Variants in ITSN1 observed in about 807,000 individuals in gnomAD.
ITSN1 encodes the protein intersectin-1.
Under a neutral mutation model 239.8 loss-of-function variants are expected in ITSN1, and 58 were observed. The ratio of observed to expected loss-of-function variants is 0.24; its 90% CI spans 0.20 to 0.30. The LOEUF (loss-of-function observed/expected upper bound fraction) is 0.30. ITSN1 is among the 10% of genes least tolerant of loss of function. The probability of loss-of-function intolerance (pLI) is 1.00; values close to 1 mark genes in which losing one functional copy is unlikely to be tolerated. For missense variants in ITSN1, 1,558 were observed against 2,103.3 expected, an observed-to-expected ratio of 0.74 and a Z score of 5.07; for synonymous variants, 780 against 770.8, an observed-to-expected ratio of 1.01 and a Z score of -0.20.
In ITSN1 at chr21:33,895,684, T is replaced by C. The variant is rs915770021; in HGVS notation, c.*7384T>C. 2.0e-5 allele frequency: 3 copies of C among 151,514 alleles called. No individual in the cohort carries two copies. Among genetic ancestry groups the C allele is most frequent in the Non-Finnish European group, 2.9e-5 (2 of 67,934 alleles). The allele number at this position is 151,514 out of a possible 1,614,324, so 9.4% of individuals were successfully genotyped here. A position where few individuals can be genotyped will look rare whatever the true frequency, so the allele number is the denominator to read the frequency against. On this transcript the variant is annotated 3_prime_UTR_variant, in exon 40 of 40. Transcript: ENST00000381318. ...ATGCATGTGCATGTTTGTGTGTGCG[T>C]GCATATGTGTATGTGTGTGCGCGTG...
At chr21:33,871,043 A>G (rs1054345963) in intron 33 of ITSN1, among the ~76,000 whole-genome samples, 3 of 152,038 alleles carry the variant, frequency 2.0e-5, no homozygotes, top group Admixed American at 2.0e-4. Context: ...AGGCAGGAGA[A>G]TATCTTGAAC....
chr21:33,854,442 A>G (rs1238273475), intron 29 of ITSN1, among the ~76,000 whole-genome samples: 2 of 152,258 alleles, frequency 1.3e-5, no homozygotes, highest in African/African-American at 4.8e-5. Flanking sequence ...CCCTTCAACA[A>G]GAAATGGCCT....
chr21:33,703,204 A>G (rs1430625330), intron 1 of ITSN1, among the ~76,000 whole-genome samples: 1 of 150,950 alleles, frequency 6.6e-6, no homozygotes, highest in African/African-American at 2.4e-5. Context: ...ATAAAGAAAT[A>G]AAGTTGTTTT....
At chr21:33,710,081 G>GT (rs535357439) in intron 1 of ITSN1, among the ~76,000 whole-genome samples, 2,682 of 131,178 alleles carry the variant, frequency 0.02, 29 homozygotes, top group African/African-American at 0.047. Flanking sequence ...ATTTTTTTTT[G>GT]TTTTTTTTTT....
chr21:33,878,017 TG>T (rs1412119976), intron 34 of ITSN1, among the ~76,000 whole-genome samples: 43 of 69,756 alleles, frequency 6.2e-4, no homozygotes, highest in African/African-American at 1.4e-3. Flanking sequence ...TTTGTGTGTG[TG>T]TGTGTGTGTG....
intron 29 of ITSN1, chr21:33,837,157 C>T: frequency 7.3e-7 from 1 of 1,378,268 alleles, no homozygotes; most frequent in African/African-American, 1.5e-5. Context: ...CAGTTTACCT[C>T]ATTTTACCTT....
At chr21:33,649,557 T>C (rs2088313965) in intron 1 of ITSN1, among the ~76,000 whole-genome samples, 1 of 152,192 alleles carries the variant, frequency 6.6e-6, no homozygotes, top group Non-Finnish European at 1.5e-5. Flanking sequence ...TTTGGCTGCC[T>C]AGCTCAGTTT....
chr21:33,704,043 C>A (rs2092140374), intron 1 of ITSN1, among the ~76,000 whole-genome samples: 1 of 152,190 alleles, frequency 6.6e-6, no homozygotes, highest in African/African-American at 2.4e-5. Context: ...TGTTTGTTTT[C>A]AGCGTAGGTG....
chr21:33,681,215 A>C (rs972722409), intron 1 of ITSN1, among the ~76,000 whole-genome samples: 11 of 152,198 alleles, frequency 7.2e-5, no homozygotes. Context: ...ATGGAGCGAT[A>C]TTTAAGAAGG....
rs973862029 is a variant in ITSN1, at chr21:33,642,503, A to G, written c.-243A>G. ...GAGCGAGGGAGGGAGCGAAGGAGGT[A>G]GAGAAGAGTGGAGGCGCCAGGGGAG... is the stretch of plus-strand genomic sequence containing the variant. On this transcript the variant is annotated 5_prime_UTR_variant, in exon 1 of 40. Transcript: ENST00000381318. 2 of 152,802 alleles carry G rather than the reference A, an allele frequency of 1.3e-5. No homozygotes were observed. The highest frequency in any genetic ancestry group is 6.6e-5 in the Admixed American group (1 of 15,252). The allele number at this position is 152,802 out of a possible 1,614,324, so 9.5% of individuals were successfully genotyped here.
At chr21:33,644,996 A>T (rs1022562706) in intron 1 of ITSN1, among the ~76,000 whole-genome samples, 5 of 151,628 alleles carry the variant, frequency 3.3e-5, no homozygotes, top group Middle Eastern at 3.4e-3. Context: ...TAATTTTAAA[A>T]TTTTTTCTAG....
At chr21:33,799,056 T>C (rs2071778184) in intron 18 of ITSN1, among the ~76,000 whole-genome samples, 1 of 152,184 alleles carries the variant, frequency 6.6e-6, no homozygotes. Flanking sequence ...CTCGTTGCTT[T>C]TCAGATAAGA....
intron 1 of ITSN1, among the ~76,000 whole-genome samples, chr21:33,664,604 A>G (rs1359622077): frequency 6.6e-6 from 1 of 152,186 alleles, no homozygotes; most frequent in Admixed American, 6.5e-5. Flanking sequence ...ACCATAAGCA[A>G]GCTATTTAAC....
chr21:33,721,190 T>G lies in ITSN1; in HGVS notation c.41T>G (p.Ile14Ser). 1.2e-6 allele frequency: 2 copies of G among 1,612,870 alleles called. No individual in the cohort carries two copies. The highest frequency in any genetic ancestry group is 2.2e-5 in the South Asian group (2 of 91,034). ...FPTPFGGSLD[I>S]WAITVEERAK... ...CTTTGGATTTTAGGCAGCCTGGATA[T>G]CTGGGCCATAACTGTAGAGGAAAGA... Residue 14 changes from isoleucine to serine, a missense_variant, in exon 3 of 40, where the codon ATC becomes AGC. Physicochemically the swap from Ile to Ser is moderately radical, Grantham distance 142 (BLOSUM62 -2). Around this residue, in one of 2 missense-constraint regions of ITSN1, gnomAD observed 982 missense variants for 1,209.9 expected, o/e 0.81. Coordinates refer to ENST00000381318, the MANE Select transcript of ITSN1 (RefSeq NM_003024.3).
Position 33,742,057 on chromosome 21 carries a change from T to C in ITSN1, c.346+6853T>C, listed in dbSNP as rs370967444. On this transcript the variant is annotated intron_variant, in intron 5 of 39. Coordinates refer to ENST00000381318, the MANE Select transcript of ITSN1 (RefSeq NM_003024.3). The stretch of plus-strand genomic sequence containing the variant: ...GTGTTCAACAACACTATTTTTAAAA[T>C]CTTTTTTTTTTTTTTTTGAGGTGGA... 2.5e-4 allele frequency among the ~76,000 whole-genome samples: 37 copies of C among 149,974 alleles called. No individual in the cohort carries two copies. The East Asian group carries it at 6.4e-3, about 26-fold the overall frequency.
intron 22 of ITSN1, chr21:33,817,591 T>C: frequency 7.7e-7 from 1 of 1,298,236 alleles, no homozygotes; most frequent in Non-Finnish European, 1.0e-6. Flanking sequence ...AATTACCTGC[T>C]AGTAATACTG....
chr21:33,875,969 C>T lies in ITSN1; in HGVS notation c.4341+448C>T, dbSNP rs1201195959. Among the ~76,000 whole-genome samples the T allele has an allele frequency of 1.5e-4, 23 of 152,270 alleles. No homozygotes were observed. The East Asian group carries it at 2.7e-3, about 18-fold the overall frequency. ...TGCTGGGATTACAGGCATGAGCCAC[C>T]GCGCCTGGCCATCCACTGAGTTTCT... On this transcript the variant is annotated intron_variant, in intron 34 of 39. Coordinates refer to ENST00000381318, the MANE Select transcript of ITSN1 (RefSeq NM_003024.3).
chr21:33,660,525 A>AT (rs1205807854), intron 1 of ITSN1, among the ~76,000 whole-genome samples: 1 of 152,170 alleles, frequency 6.6e-6, no homozygotes, highest in Non-Finnish European at 1.5e-5. Context: ...CTTGTTTTAC[A>AT]TTTTTTGCAG....
chr21:33,694,531 A>C (rs7281625), intron 1 of ITSN1, among the ~76,000 whole-genome samples: 101,305 of 152,008 alleles, frequency 0.67, 34,006 homozygotes, highest in Middle Eastern at 0.72. Context: ...TTTTAAGAGA[A>C]AGGGTCTGGC....
Sources: gnomAD v4.1 joint callset for allele counts (sites outside exome capture counted in the v4.1 genomes callset) on GRCh38, gnomAD v4.1.1 for gene constraint, gnomAD v4.1.1 regional missense constraint, MANE v1.5 for transcripts, NCBI Gene and HGNC (gene_info 2026-07-23, HGNC 2026-07-21) for gene names.